ARB2A: variants seen among roughly 807,000 people sequenced by gnomAD.
ARB2A encodes cotranscriptional regulator ARB2A.
At chr5:93,858,926 A>G in the ARB2A span, among the ~76,000 whole-genome samples, 6 of 152,186 alleles carry the variant, frequency 3.9e-5, no homozygotes, top group African/African-American at 1.4e-4. Flanking sequence ...AATAGAGCTA[A>G]AATTCTAACT....
the ARB2A span, among the ~76,000 whole-genome samples, chr5:93,646,442 T>C: frequency 2.6e-5 from 4 of 152,240 alleles, no homozygotes; most frequent in South Asian, 8.3e-4. Flanking sequence ...CACTTACATA[T>C]GGTAGCAAAC....
At chr5:94,093,335 C>A in the ARB2A span, among the ~76,000 whole-genome samples, 4 of 152,074 alleles carry the variant, frequency 2.6e-5, no homozygotes, top group Non-Finnish European at 5.9e-5. Context: ...GTGGGTTAAA[C>A]AACAGAAATT....
the ARB2A span, chr5:93,865,305 T>A: frequency 1.6e-6 from 1 of 636,056 alleles, no homozygotes; most frequent in Non-Finnish European, 2.0e-6. Flanking sequence ...ACGGTCTCGA[T>A]CTCCTGACCT....
At chr5:93,997,754 C>T in the ARB2A span, among the ~76,000 whole-genome samples, 4 of 152,108 alleles carry the variant, frequency 2.6e-5, no homozygotes, top group Admixed American at 1.3e-4. Flanking sequence ...CCAAACACAA[C>T]TTTCTGCACT....
chr5:93,949,599 A>G, the ARB2A span, among the ~76,000 whole-genome samples: 1 of 151,922 alleles, frequency 6.6e-6, no homozygotes, highest in Admixed American at 6.6e-5. Flanking sequence ...TAATTACATC[A>G]AGGTAAACGG....
the ARB2A span, among the ~76,000 whole-genome samples, chr5:93,654,167 C>T: frequency 1.3e-5 from 2 of 152,124 alleles, no homozygotes; most frequent in African/African-American, 2.4e-5. Context: ...GTGAGTCTGA[C>T]TCACTTTTTA....
chr5:93,889,909 A>T, the ARB2A span, among the ~76,000 whole-genome samples: 4 of 151,954 alleles, frequency 2.6e-5, no homozygotes, highest in Non-Finnish European at 5.9e-5. Context: ...TCAAAGAGAC[A>T]AGATACAGTA....
At chr5:93,925,794 G>A in the ARB2A span, among the ~76,000 whole-genome samples, 1 of 152,056 alleles carries the variant, frequency 6.6e-6, no homozygotes, top group East Asian at 1.9e-4. Context: ...TATCTCTGAC[G>A]CAGTTAATAA....
chr5:93,776,219 A>G, the ARB2A span: 1 of 1,611,954 alleles, frequency 6.2e-7, no homozygotes, highest in South Asian at 1.1e-5. Flanking sequence ...AATGGTTCTG[A>G]GCTAGAGACC....
At chr5:93,740,175 G>C in the ARB2A span, 2 of 158,134 alleles carry the variant, frequency 1.3e-5, no homozygotes, top group Non-Finnish European at 2.8e-5. Flanking sequence ...GTAAAAAATT[G>C]TATACTAAGG....
At chr5:93,988,544 T>G in the ARB2A span, among the ~76,000 whole-genome samples, 1 of 152,160 alleles carries the variant, frequency 6.6e-6, no homozygotes, top group Non-Finnish European at 1.5e-5. Flanking sequence ...GCTAAGAAAC[T>G]TGCACTTCCT....
At chr5:93,848,140 T>G in the ARB2A span, among the ~76,000 whole-genome samples, 40 of 152,278 alleles carry the variant, frequency 2.6e-4, no homozygotes, top group African/African-American at 9.4e-4. Flanking sequence ...ATCCCAGCAC[T>G]GTGGGAGGCC....
chr5:93,865,983 C>T, the ARB2A span: 83 of 985,178 alleles, frequency 8.4e-5, no homozygotes, highest in African/African-American at 1.4e-3. Flanking sequence ...GAATTATGTC[C>T]CCTTAAGAGT....
chr5:94,103,286 AAT>A, the ARB2A span, among the ~76,000 whole-genome samples: 1 of 152,124 alleles, frequency 6.6e-6, no homozygotes, highest in Non-Finnish European at 1.5e-5. Flanking sequence ...TCTCACATGC[AAT>A]GACACCCACA....
the ARB2A span, among the ~76,000 whole-genome samples, chr5:94,004,960 C>T: frequency 7.6e-6 from 1 of 132,130 alleles, no homozygotes; most frequent in Non-Finnish European, 1.5e-5. Flanking sequence ...GAATACTACC[C>T]AGCACCTCAA....
At chr5:94,007,740 A>C in the ARB2A span, among the ~76,000 whole-genome samples, 1 of 150,004 alleles carries the variant, frequency 6.7e-6, no homozygotes, top group Non-Finnish European at 1.5e-5. Context: ...GTGCCACTGC[A>C]CTCCAGCCTG....
At chr5:94,057,438 G>C in the ARB2A span, among the ~76,000 whole-genome samples, 2 of 152,042 alleles carry the variant, frequency 1.3e-5, no homozygotes, top group African/African-American at 2.4e-5. Flanking sequence ...AGTTTTGCAA[G>C]GTGCAGAGTT....
the ARB2A span, chr5:93,865,588 G>A: frequency 2.6e-5 from 26 of 985,176 alleles, no homozygotes; most frequent in Non-Finnish European, 3.0e-5. Context: ...AAAAGCATAC[G>A]GAAACAATTA....
At chr5:94,042,421 T>C in the ARB2A span, among the ~76,000 whole-genome samples, 1 of 147,030 alleles carries the variant, frequency 6.8e-6, no homozygotes, top group Non-Finnish European at 1.5e-5. Context: ...TTCTCCTGCA[T>C]CAGCCTCCCG....
Sources: gnomAD v4.1 joint callset for allele counts (sites outside exome capture counted in the v4.1 genomes callset) on GRCh38, gnomAD v4.1.1 for gene constraint, MANE v1.5 for transcripts, NCBI Gene and HGNC (gene_info 2026-07-23, HGNC 2026-07-21) for gene names.